The following MAGI2 variants were observed in gnomAD, a reference collection of about 807,000 sequenced individuals.
MAGI2 encodes the protein membrane associated guanylate kinase, WW and PDZ domain containing 2, also known as membrane-associated guanylate kinase, WW and PDZ domain-containing protein 2.
MAGI2 carries 35 observed loss-of-function variants against 133.3 expected under a neutral mutation model. The observed-to-expected ratio is 0.26, with a 90% CI of 0.20 to 0.35. The LOEUF is 0.35. Among genes scored for constraint, MAGI2 ranks in the 10% least tolerant of loss-of-function variants. The pLI is 1.00. For synonymous variants in MAGI2, 729 were observed against 710.6 expected (o/e 1.03, Z -0.41); for missense variants, 1,636 against 1,863.4 (o/e 0.88, Z 2.25).
At chr7:78,291,366 C>T (rs1796694211) in intron 9 of MAGI2, among the ~76,000 whole-genome samples, 1 of 152,166 alleles carries the variant, frequency 6.6e-6, no homozygotes, top group Non-Finnish European at 1.5e-5. Context: ...CATACACCAT[C>T]CTAAGACTAA....
intron 2 of MAGI2, among the ~76,000 whole-genome samples, chr7:78,919,722 G>T (rs920044465): frequency 6.6e-6 from 1 of 152,090 alleles, no homozygotes; most frequent in Non-Finnish European, 1.5e-5. Context: ...GTTTTGCTGA[G>T]CTTACACTAA....
At chr7:79,318,128 C>T (rs1369621251) in intron 1 of MAGI2, among the ~76,000 whole-genome samples, 1 of 152,112 alleles carries the variant, frequency 6.6e-6, no homozygotes, top group African/African-American at 2.4e-5. Flanking sequence ...TAAACTTCAC[C>T]TATCATCTAT....
chr7:78,838,611 G>A (rs575258903), intron 2 of MAGI2, among the ~76,000 whole-genome samples: 21 of 151,438 alleles, frequency 1.4e-4, no homozygotes, highest in Admixed American at 4.0e-4. Context: ...ATGGCCAAAC[G>A]TTTCACTGTC....
At chr7:78,209,712 A>G (rs994057626) in intron 10 of MAGI2, among the ~76,000 whole-genome samples, 3 of 152,208 alleles carry the variant, frequency 2.0e-5, no homozygotes, top group African/African-American at 7.2e-5. Context: ...TTGAGCTGAA[A>G]CAACAGCAAA....
intron 2 of MAGI2, among the ~76,000 whole-genome samples, chr7:78,930,204 C>G (rs1193101862): frequency 6.6e-6 from 1 of 152,114 alleles, no homozygotes; most frequent in African/African-American, 2.4e-5. Context: ...GCAAATTACT[C>G]AATTTGGCTA....
intron 2 of MAGI2, among the ~76,000 whole-genome samples, chr7:78,918,966 C>T (rs780992478): frequency 7.2e-5 from 11 of 152,244 alleles, no homozygotes; most frequent in East Asian, 3.9e-4. Flanking sequence ...TGGGATTATA[C>T]ATCTAAAACA....
chr7:78,213,825 CT>C (rs1788006069), intron 10 of MAGI2, among the ~76,000 whole-genome samples: 1 of 152,214 alleles, frequency 6.6e-6, no homozygotes, highest in Admixed American at 6.5e-5. Flanking sequence ...ACGAATCATT[CT>C]TTGCTCAAAC....
intron 7 of MAGI2, among the ~76,000 whole-genome samples, chr7:78,361,385 TC>T (rs1299805359): frequency 1.2e-5 from 1 of 84,584 alleles, no homozygotes; most frequent in Non-Finnish European, 2.3e-5. Context: ...AGAGTGAGAC[TC>T]CATCTCAAAA....
chr7:79,323,706 G>A (rs974420602), intron 1 of MAGI2, among the ~76,000 whole-genome samples: 7 of 152,200 alleles, frequency 4.6e-5, no homozygotes, highest in Non-Finnish European at 1.0e-4. Flanking sequence ...GTAGGAAAAA[G>A]GGGTTAGAAG....
intron 1 of MAGI2, among the ~76,000 whole-genome samples, chr7:79,278,705 T>A (rs1835417137): frequency 6.6e-6 from 1 of 152,102 alleles, no homozygotes; most frequent in Admixed American, 6.5e-5. Context: ...GTTTAATATT[T>A]TGAACACCAT....
At chr7:78,755,270 T>C (rs531857569) in intron 2 of MAGI2, among the ~76,000 whole-genome samples, 1 of 152,336 alleles carries the variant, frequency 6.6e-6, no homozygotes, top group Non-Finnish European at 1.5e-5. Context: ...TCTTGGATTC[T>C]AGTTTGGCCT....
chr7:79,423,298 T>C (rs1847107982), intron 1 of MAGI2, among the ~76,000 whole-genome samples: 1 of 152,044 alleles, frequency 6.6e-6, no homozygotes, highest in African/African-American at 2.4e-5. Context: ...GACATTAACA[T>C]CTCTGTTTTA....
intron 3 of MAGI2, among the ~76,000 whole-genome samples, chr7:78,577,631 GA>G (rs1487232339): frequency 6.9e-6 from 1 of 145,834 alleles, no homozygotes; most frequent in Non-Finnish European, 1.5e-5. Flanking sequence ...GTAGGTAAAG[GA>G]AAAAGGGGGG....
intron 2 of MAGI2, among the ~76,000 whole-genome samples, chr7:78,950,246 A>C (rs1801756050): frequency 6.6e-6 from 1 of 152,160 alleles, no homozygotes; most frequent in Non-Finnish European, 1.5e-5. Flanking sequence ...GTTGCTTGGA[A>C]GACCCCTGCT....
chr7:79,082,090 T>C (rs1390556586), intron 1 of MAGI2, among the ~76,000 whole-genome samples: 1 of 152,106 alleles, frequency 6.6e-6, no homozygotes, highest in African/African-American at 2.4e-5. Context: ...TGTTGAGTTG[T>C]ATGAAGTCTT....
intron 2 of MAGI2, among the ~76,000 whole-genome samples, chr7:78,823,142 A>G (rs1452277152): frequency 6.6e-6 from 1 of 152,204 alleles, no homozygotes; most frequent in Middle Eastern, 3.2e-3. Flanking sequence ...TTGTCTGTCA[A>G]CTTAAAGGAT....
At chr7:78,448,729 T>C (rs923894186) in intron 6 of MAGI2, among the ~76,000 whole-genome samples, 15 of 152,088 alleles carry the variant, frequency 9.9e-5, no homozygotes, top group Non-Finnish European at 1.5e-4. Context: ...AATATGTATA[T>C]TTGTATGCAT....
At chr7:78,508,697 C>G (rs146227565) in intron 4 of MAGI2, among the ~76,000 whole-genome samples, 2 of 152,062 alleles carry the variant, frequency 1.3e-5, no homozygotes, top group Admixed American at 6.5e-5. Context: ...TATATCAGAT[C>G]TGTGGTTTGA....
intron 2 of MAGI2, among the ~76,000 whole-genome samples, chr7:78,892,266 G>A (rs1796830421): frequency 6.6e-6 from 1 of 152,120 alleles, no homozygotes; most frequent in Non-Finnish European, 1.5e-5. Context: ...CATGCTCATG[G>A]GTAGGAAGAA....
Sources: gnomAD v4.1 joint callset for allele counts (sites outside exome capture counted in the v4.1 genomes callset) on GRCh38, gnomAD v4.1.1 for gene constraint, MANE v1.5 for transcripts, NCBI Gene and HGNC (gene_info 2026-07-23, HGNC 2026-07-21) for gene names.